The following EXOC6B variants were observed in gnomAD, a reference collection of about 807,000 sequenced individuals.
The protein encoded by EXOC6B is exocyst complex component 6B.
A neutral mutation model predicts 113.5 loss-of-function variants in EXOC6B; 54 were observed. The observed-to-expected ratio is 0.48, with a 90% CI of 0.38 to 0.60. EXOC6B has a LOEUF of 0.60. Ranked by LOEUF, EXOC6B falls within the 20% of genes least tolerant of loss-of-function variation. EXOC6B has a pLI of 0.00. For synonymous variants in EXOC6B, 357 were observed against 339.0 expected (o/e 1.05, Z -0.58); for missense variants, 797 against 977.5 (o/e 0.82, Z 2.46).
At chr2:72,607,446 G>C (rs1240395935) in intron 6 of EXOC6B, among the ~76,000 whole-genome samples, 1 of 152,072 alleles carries the variant, frequency 6.6e-6, no homozygotes, top group Non-Finnish European at 1.5e-5. Flanking sequence ...GTGGTATTCT[G>C]CTAAATCAGT....
intron 6 of EXOC6B, among the ~76,000 whole-genome samples, chr2:72,628,651 C>T (rs1398059510): frequency 6.6e-6 from 1 of 152,050 alleles, no homozygotes; most frequent in African/African-American, 2.4e-5. Flanking sequence ...CCAGAGACCT[C>T]TCTCTCTGTC....
intron 20 of EXOC6B, among the ~76,000 whole-genome samples, chr2:72,330,245 A>G (rs1258662740): frequency 6.6e-6 from 1 of 152,132 alleles, no homozygotes; most frequent in Non-Finnish European, 1.5e-5. Flanking sequence ...CTATTATCCA[A>G]GGAAGTTAAG....
intron 20 of EXOC6B, among the ~76,000 whole-genome samples, chr2:72,301,281 G>T (rs1283223469): frequency 6.6e-6 from 1 of 152,148 alleles, no homozygotes; most frequent in Admixed American, 6.5e-5. Flanking sequence ...GTCAATGTTC[G>T]TCAAGGATGT....
At chr2:72,288,705 T>C (rs1287786685) in intron 20 of EXOC6B, 1 of 152,668 alleles carries the variant, frequency 6.6e-6, no homozygotes, top group Admixed American at 6.6e-5. Context: ...TATATATATA[T>C]ATACAAACTC....
intron 1 of EXOC6B, among the ~76,000 whole-genome samples, chr2:72,809,587 T>G (rs1685763453): frequency 6.7e-6 from 1 of 148,834 alleles, no homozygotes; most frequent in South Asian, 2.2e-4. Flanking sequence ...ATCAATAAAA[T>G]TTAAAACAAA....
At chr2:72,640,793 T>G (rs1320661382) in intron 6 of EXOC6B, among the ~76,000 whole-genome samples, 2 of 151,434 alleles carry the variant, frequency 1.3e-5, no homozygotes, top group Non-Finnish European at 2.9e-5. Context: ...GCCAAGCAAA[T>G]AGAAAACAAA....
intron 20 of EXOC6B, among the ~76,000 whole-genome samples, chr2:72,310,296 G>C (rs1687109021): frequency 6.6e-6 from 1 of 152,030 alleles, no homozygotes; most frequent in Non-Finnish European, 1.5e-5. Context: ...TTGTCAACTT[G>C]TTATTTTCCA....
At chr2:72,284,192 A>G (rs1685291779) in intron 20 of EXOC6B, among the ~76,000 whole-genome samples, 1 of 152,188 alleles carries the variant, frequency 6.6e-6, no homozygotes, top group Admixed American at 6.5e-5. Flanking sequence ...CTACATATCA[A>G]TATCACTCAT....
intron 1 of EXOC6B, among the ~76,000 whole-genome samples, chr2:72,754,765 C>T (rs1682295503): frequency 6.6e-6 from 1 of 151,480 alleles, no homozygotes; most frequent in African/African-American, 2.4e-5. Flanking sequence ...AGGCATGCAC[C>T]AACACAAGCA....
intron 8 of EXOC6B, among the ~76,000 whole-genome samples, chr2:72,519,185 G>T (rs1490386382): frequency 6.6e-6 from 1 of 152,136 alleles, no homozygotes; most frequent in African/African-American, 2.4e-5. Context: ...TAATGCACAT[G>T]TTCCTAGCTA....
At chr2:72,453,664 G>T (rs1461195834) in intron 18 of EXOC6B, among the ~76,000 whole-genome samples, 1 of 152,006 alleles carries the variant, frequency 6.6e-6, no homozygotes, top group Non-Finnish European at 1.5e-5. Context: ...ATAACAGTTT[G>T]CCTATCATTA....
intron 1 of EXOC6B, among the ~76,000 whole-genome samples, chr2:72,816,457 T>C (rs1686255367): frequency 6.6e-6 from 1 of 151,828 alleles, no homozygotes. Context: ...AAGGAGAAAA[T>C]AAGATAATAT....
Position 72,344,144 on chromosome 2 carries a change from T to A in EXOC6B, c.2123-9124A>T, listed in dbSNP as rs977038304. On this transcript the variant is annotated intron_variant, in intron 19 of 21. Transcript: ENST00000272427. The stretch of plus-strand genomic sequence containing the variant: ...AATCATCTTTCTTTCTATTCCTTAC[T>A]CAGTAATCTCCATTGTCTTCTCTTC... 2.6e-5 allele frequency among the ~76,000 whole-genome samples: 4 copies of A among 152,314 alleles called. No individual in the cohort carries two copies. The South Asian group carries it at 8.3e-4, about 32-fold the overall frequency.
intron 6 of EXOC6B, among the ~76,000 whole-genome samples, chr2:72,663,888 T>C (rs1369056808): frequency 1.3e-5 from 2 of 151,986 alleles, no homozygotes; most frequent in African/African-American, 4.8e-5. Context: ...TCATCAATTA[T>C]AAAAAAAAGT....
intron 1 of EXOC6B, among the ~76,000 whole-genome samples, chr2:72,749,241 C>T (rs999210384): frequency 6.6e-6 from 1 of 152,068 alleles, no homozygotes; most frequent in Admixed American, 6.6e-5. Flanking sequence ...AAGCAGAGTA[C>T]TAATACAGTT....
At chr2:72,360,644 A>G (rs1366108438) in intron 19 of EXOC6B, among the ~76,000 whole-genome samples, 2 of 152,122 alleles carry the variant, frequency 1.3e-5, no homozygotes, top group Non-Finnish European at 2.9e-5. Flanking sequence ...TCCTTCCTAG[A>G]ATGCCCATCT....
intron 20 of EXOC6B, among the ~76,000 whole-genome samples, chr2:72,213,770 T>C (rs532774605): frequency 2.6e-5 from 4 of 152,244 alleles, no homozygotes; most frequent in African/African-American, 9.6e-5. Flanking sequence ...AAAAGAGACC[T>C]GAGAGAAACC....
chr2:72,239,310 T>C lies in EXOC6B; in HGVS notation c.2197-55123A>G, dbSNP rs191433533. On this transcript the variant is annotated intron_variant, in intron 20 of 21. Coordinates refer to ENST00000272427, the MANE Select transcript of EXOC6B (RefSeq NM_015189.3). ...AATGTTTCTTTCTCAGGATTATAGTTTTAGCTTACATTTAGGTCTTTGATA... is the reference window on the plus strand; with the variant it reads ...AATGTTTCTTTCTCAGGATTATAGTCTTAGCTTACATTTAGGTCTTTGATA... 1.1e-3 allele frequency among the ~76,000 whole-genome samples: 167 copies of C among 152,344 alleles called. 1 individual carries two copies. The highest frequency in any genetic ancestry group is 3.9e-3 in the African/African-American group (162 of 41,570).
intron 18 of EXOC6B, among the ~76,000 whole-genome samples, chr2:72,436,155 G>C (rs1695855601): frequency 6.6e-6 from 1 of 152,136 alleles, no homozygotes; most frequent in Admixed American, 6.6e-5. Flanking sequence ...CTTCACTTAA[G>C]AAGTTTAGTT....
Sources: gnomAD v4.1 joint callset for allele counts (sites outside exome capture counted in the v4.1 genomes callset) on GRCh38, gnomAD v4.1.1 for gene constraint, MANE v1.5 for transcripts, NCBI Gene and HGNC (gene_info 2026-07-23, HGNC 2026-07-21) for gene names.